The following KDM2B variants were observed in gnomAD, a reference collection of about 807,000 sequenced individuals.
The protein encoded by KDM2B is lysine demethylase 2B.
A neutral mutation model predicts 150.0 loss-of-function variants in KDM2B; 26 were observed. The ratio of observed to expected loss-of-function variants is 0.17; its 90% confidence interval spans 0.13 to 0.24. The LOEUF is 0.24. KDM2B is among the 10% of genes least tolerant of loss of function. The pLI, the probability that KDM2B is intolerant of heterozygous loss-of-function variation, is 1.00. For synonymous variants in KDM2B, 734 were observed against 729.5 expected, an observed-to-expected ratio of 1.01 and a Z score of -0.10; for missense variants, 1,265 against 1,816.9, an observed-to-expected ratio of 0.70 and a Z score of 5.52.
At position 121,467,335 on chromosome 12, in the gene KDM2B, G is replaced by C; in HGVS notation, c.1735-13991C>G. The C allele has an allele frequency of 2.0e-6, 2 of 981,514 alleles. No homozygotes were observed. Among genetic ancestry groups the C allele is most frequent in the Non-Finnish European group, 2.4e-6 (2 of 828,270 alleles). 60.8% of individuals were successfully genotyped at this position (981,514 alleles called of 1,614,324 possible). ...TCGGGCTCGGGCTCGGGCTCCCGCT[G>C]CCGCGAGGAGGGAGCCGCGCCGCGC... On this transcript the variant is annotated intron_variant, in intron 12 of 22. Transcript: ENST00000377071. The surrounding 1 kb of genome is among the most constrained non-coding windows in gnomAD (Gnocchi z 5.1).
chr12:121,435,497 G>A (rs1343742500), intron 22 of KDM2B, among the ~76,000 whole-genome samples: 8 of 152,120 alleles, frequency 5.3e-5, no homozygotes, highest in African/African-American at 1.9e-4. Context: ...ATTGGAAGTG[G>A]GGCTAAAGAT....
Position 121,498,626 on chromosome 12 carries a change from C to T in KDM2B, c.1648-3961G>A, listed in dbSNP as rs535075594. On this transcript the variant is annotated intron_variant, in intron 11 of 22. Transcript: ENST00000377071. ...TCTGCATATGACTGAAAGTAATGCC[C>T]ACCCCCCTTTGTTTTCTTTGAGTTT... Among the ~76,000 whole-genome samples the T allele has an allele frequency of 3.6e-4, 55 of 152,222 alleles. No homozygotes were observed. In the South Asian group the frequency reaches 0.011, roughly 31 times the overall value.
the KDM2B span, among the ~76,000 whole-genome samples, chr12:121,412,854 A>G: frequency 6.7e-6 from 1 of 148,990 alleles, no homozygotes; most frequent in South Asian, 2.1e-4. Context: ...CCTCCCAAGT[A>G]GCTGGGATTA....
intron 13 of KDM2B, among the ~76,000 whole-genome samples, chr12:121,445,835 TGAGC>T (rs1876073519): frequency 1.3e-5 from 2 of 152,136 alleles, no homozygotes; most frequent in African/African-American, 2.4e-5. Flanking sequence ...AGCAGGGGCG[TGAGC>T]GCAGCCCAGA....
intron 4 of KDM2B, among the ~76,000 whole-genome samples, chr12:121,570,236 G>A (rs1890998801): frequency 6.6e-6 from 1 of 151,940 alleles, no homozygotes; most frequent in African/African-American, 2.4e-5. Flanking sequence ...ATTTTTAGTA[G>A]GGACAGGGTT....
Position 121,574,724 on chromosome 12 carries a change from C to T in KDM2B, c.351-131G>A, listed in dbSNP as rs1000972335. The T allele has an allele frequency of 9.1e-6, 7 of 770,270 alleles. No individual in the cohort carries two copies. The Admixed American group carries it at 9.9e-5, about 11-fold the overall frequency. The allele number at this position is 770,270 out of a possible 1,614,324, so 47.7% of individuals were successfully genotyped here. On this transcript the variant is annotated intron_variant, in intron 3 of 22. Transcript: ENST00000377071. Reference sequence around the variant, plus strand: ...TCAGTTTGGGAACTCAAAATGAGAACATCCAGAGGGAGAGAAGTAGACCAG... The same window carrying T: ...TCAGTTTGGGAACTCAAAATGAGAATATCCAGAGGGAGAGAAGTAGACCAG...
intron 12 of KDM2B, among the ~76,000 whole-genome samples, chr12:121,463,929 GA>G (rs140914980): frequency 1.5e-4 from 22 of 143,034 alleles, no homozygotes; most frequent in African/African-American, 3.6e-4. Flanking sequence ...CACATCAAGA[GA>G]AAAAAAAAAA....
chr12:121,494,731 A>G, intron 11 of KDM2B, 66 bp from the exon 12 acceptor site: 1 of 1,223,122 alleles, frequency 8.2e-7, no homozygotes, highest in Non-Finnish European at 1.2e-6. Flanking sequence ...ACAGCTGAAC[A>G]GCAGACATAG....
intron 4 of KDM2B, among the ~76,000 whole-genome samples, chr12:121,560,662 G>A (rs561352322): frequency 6.6e-6 from 1 of 152,180 alleles, no homozygotes; most frequent in East Asian, 1.9e-4. Flanking sequence ...CAGAGGAAGA[G>A]ACGGGGGCCG....
chr12:121,409,994 A>G, the KDM2B span, among the ~76,000 whole-genome samples: 1 of 151,912 alleles, frequency 6.6e-6, no homozygotes, highest in Non-Finnish European at 1.5e-5. Flanking sequence ...TGCCTCTACT[A>G]AAAATACAAA....
chr12:121,457,632 C>T (rs981102803), intron 12 of KDM2B, among the ~76,000 whole-genome samples: 1 of 150,586 alleles, frequency 6.6e-6, no homozygotes, highest in African/African-American at 2.5e-5. Flanking sequence ...CATCCCCAGA[C>T]ATTCATTTAC....
At chr12:121,421,371 T>TAAAAAAAAAAA in the KDM2B span, among the ~76,000 whole-genome samples, 3 of 46,366 alleles carry the variant, frequency 6.5e-5, no homozygotes, top group Non-Finnish European at 1.3e-4. Context: ...ATCCCATCTC[T>TAAAAAAAAAAA]AAAAAAAAAA....
At position 121,520,631 on chromosome 12, in the gene KDM2B, C is replaced by T. The variant is rs1458643897; in HGVS notation, c.1047+354G>A. On this transcript the variant is annotated intron_variant, in intron 9 of 22. Coordinates refer to ENST00000377071, the MANE Select transcript of KDM2B (RefSeq NM_032590.5). The surrounding 1 kb of genome is among the most constrained non-coding windows in gnomAD (Gnocchi z 4.5). ...AGGTCCACACCCATCCTCCAAACAA[C>T]AGCGACCAAATCCCCCTAATCCCTC... Among the ~76,000 whole-genome samples, 2 of 152,272 alleles carry T rather than the reference C, an allele frequency of 1.3e-5. No individual in the cohort carries two copies. Among genetic ancestry groups the T allele is most frequent in the Admixed American group, 1.3e-4 (2 of 15,300 alleles).
intron 13 of KDM2B, among the ~76,000 whole-genome samples, chr12:121,446,213 G>A (rs1369966954): frequency 1.9e-4 from 29 of 152,282 alleles, no homozygotes; most frequent in African/African-American, 7.0e-4. Context: ...GGCTACCACG[G>A]TGAAACCCCG....
Position 121,578,824 on chromosome 12 carries a change from G to T in KDM2B, c.249C>A (p.Phe83Leu). Residue 83 changes from phenylalanine (F) to leucine (L), a missense_variant, in exon 2 of 23, where the codon TTC becomes TTA. By Grantham distance (22) the Phe-to-Leu change is conservative. Around this residue, in one of 11 missense-constraint regions of KDM2B, gnomAD observed 214 missense variants for 447.4 expected, o/e 0.48. Coordinates refer to ENST00000377071, the MANE Select transcript of KDM2B (RefSeq NM_032590.5). The part of the protein sequence containing the change: ...KLRSQLYQGD[F>L]VHAMEGKDFN... ...CACCTTTGCCCTCCATGGCGTGCAC[G>T]AAGTCCCCCTGGTACAGCTGGCTGC... 2 of 1,592,078 alleles carry T rather than the reference G, an allele frequency of 1.3e-6. No homozygotes were observed. Among genetic ancestry groups the T allele is most frequent in the Non-Finnish European group, 1.7e-6 (2 of 1,168,078 alleles).
rs149989475 is a variant in KDM2B, at chr12:121,518,778, G to T, written c.1047+2207C>A. On this transcript the variant is annotated intron_variant, in intron 9 of 22. Transcript: ENST00000377071. The surrounding 1 kb of genome is among the most constrained non-coding windows in gnomAD (Gnocchi z 4.4). ...TTCAGGAATTGCCTGGAAAGTCGTG[G>T]GCCTGACTTCCACTAGATTTCTCCA... Among the ~76,000 whole-genome samples, 472 of 152,298 alleles carry T rather than the reference G, an allele frequency of 3.1e-3. 1 individual carries two copies. Among genetic ancestry groups the T allele is most frequent in the Non-Finnish European group, 4.4e-3 (298 of 68,024 alleles).
intron 22 of KDM2B, among the ~76,000 whole-genome samples, chr12:121,433,719 A>G (rs1555286044): frequency 6.6e-6 from 1 of 152,228 alleles, no homozygotes; most frequent in Non-Finnish European, 1.5e-5. Flanking sequence ...AGAAAAATCT[A>G]TCCTAAAATT....
At chr12:121,432,433 A>G (rs1873213318) in intron 22 of KDM2B, among the ~76,000 whole-genome samples, 1 of 152,154 alleles carries the variant, frequency 6.6e-6, no homozygotes, top group African/African-American at 2.4e-5. Context: ...TTCATTATTT[A>G]CTATGACATG....
chr12:121,443,970 C>A, intron 16 of KDM2B, 42 bp downstream of exon 16: 1 of 1,571,416 alleles, frequency 6.4e-7, no homozygotes. Flanking sequence ...CCGGGACCAG[C>A]CAGACCAACC....
Sources: gnomAD v4.1 joint callset for allele counts (sites outside exome capture counted in the v4.1 genomes callset) on GRCh38, gnomAD v4.1.1 for gene constraint, gnomAD v4.1.1 regional missense constraint, Gnocchi (gnomAD v3.1) non-coding constraint, MANE v1.5 for transcripts, NCBI Gene and HGNC (gene_info 2026-07-23, HGNC 2026-07-21) for gene names.